Variants in PPFIBP2 observed in about 807,000 individuals in gnomAD.
PPFIBP2 encodes the protein PPFIB scaffold protein 2.
Under a neutral mutation model 118.3 loss-of-function variants are expected in PPFIBP2, and 118 were observed. That is an observed-to-expected ratio of 1.00 (90% CI 0.86 to 1.16). The LOEUF is 1.16. PPFIBP2 is among the 50% of genes most tolerant of loss of function. The probability of loss-of-function intolerance (pLI) is 0.00; values close to 1 mark genes in which losing one functional copy is unlikely to be tolerated. For missense variants in PPFIBP2, 1,195 were observed against 1,073.1 expected (o/e 1.11, Z -1.59); for synonymous variants, 414 against 397.4 (o/e 1.04, Z -0.50).
intron 1 of PPFIBP2, among the ~76,000 whole-genome samples, chr11:7,536,943 G>A (rs1851281840): frequency 6.6e-6 from 1 of 152,168 alleles, no homozygotes; most frequent in African/African-American, 2.4e-5. Context: ...GGAAGGGAGG[G>A]AATAGGTGGG....
intron 3 of PPFIBP2, among the ~76,000 whole-genome samples, chr11:7,592,749 G>A (rs1471928890): frequency 2.0e-5 from 3 of 152,202 alleles, no homozygotes; most frequent in Non-Finnish European, 4.4e-5. Context: ...CTTGGAGAAC[G>A]GTGCCAGCTC....
At chr11:7,646,090 G>A (rs1396781767) in intron 17 of PPFIBP2, among the ~76,000 whole-genome samples, 2 of 152,214 alleles carry the variant, frequency 1.3e-5, no homozygotes, top group African/African-American at 4.8e-5. Flanking sequence ...CAAAAGGAGT[G>A]AGTAGCCCTC....
At chr11:7,578,963 G>T (rs538049265) in intron 3 of PPFIBP2, among the ~76,000 whole-genome samples, 23 of 152,196 alleles carry the variant, frequency 1.5e-4, no homozygotes, top group Non-Finnish European at 2.9e-4. Flanking sequence ...ACGCAGGACA[G>T]TGAAGGCCAC....
At chr11:7,556,844 G>A (rs903098281) in intron 2 of PPFIBP2, among the ~76,000 whole-genome samples, 2 of 152,198 alleles carry the variant, frequency 1.3e-5, no homozygotes, top group Admixed American at 6.5e-5. Flanking sequence ...ATCTGTATCT[G>A]TCTTCTGTCT....
chr11:7,600,479 A>G (rs754074175), intron 5 of PPFIBP2, among the ~76,000 whole-genome samples: 1 of 152,258 alleles, frequency 6.6e-6, no homozygotes, highest in African/African-American at 2.4e-5. Context: ...TGACTGAGAT[A>G]TCCTGGGCTG....
In PPFIBP2 at chr11:7,628,304, G is replaced by C. The variant is rs1224379587; in HGVS notation, c.846G>C (p.Leu282=). The change falls in exon 9 of 24, where the codon CTG becomes CTC. Residue 282 remains leucine (L), a synonymous_variant. Transcript: ENST00000299492. The part of the protein sequence containing the change: ...HTERDQEIQR[L]KMGMETLLLA... Reference sequence around the variant, plus strand: ...TTTTAGACCAAGAAATTCAACGTCTGAAAATGGGGATGGAAACTTTGCTGC... The same window carrying C: ...TTTTAGACCAAGAAATTCAACGTCTCAAAATGGGGATGGAAACTTTGCTGC... The C allele has an allele frequency of 8.7e-6, 14 of 1,613,778 alleles. No individual in the cohort carries two copies. Among genetic ancestry groups the C allele is most frequent in the Admixed American group, 1.7e-5 (1 of 59,974 alleles).
chr11:7,586,198 C>T (rs980669132), intron 3 of PPFIBP2, among the ~76,000 whole-genome samples: 3 of 151,946 alleles, frequency 2.0e-5, no homozygotes, highest in African/African-American at 7.3e-5. Context: ...GTTATTGTTC[C>T]CTTGGGTTGT....
At chr11:7,641,044 A>T (rs1421979192) in intron 15 of PPFIBP2, 1 of 1,283,648 alleles carries the variant, frequency 7.8e-7, no homozygotes, top group Non-Finnish European at 1.0e-6. Flanking sequence ...TCGTGGCCGG[A>T]GTGTCAGTGC....
chr11:7,622,278 G>A (rs990275340), intron 7 of PPFIBP2, among the ~76,000 whole-genome samples: 1 of 152,288 alleles, frequency 6.6e-6, no homozygotes, highest in Middle Eastern at 3.4e-3. Flanking sequence ...TCACAGTTGC[G>A]AGGACAGCAC....
chr11:7,640,117 G>A (rs554682099), intron 15 of PPFIBP2, among the ~76,000 whole-genome samples: 10 of 151,918 alleles, frequency 6.6e-5, no homozygotes, highest in African/African-American at 2.4e-4. Flanking sequence ...CTTCTTTTCG[G>A]CTGCAGCTTT....
At chr11:7,575,600 GTCCCA>G (rs1363261416) in intron 3 of PPFIBP2, among the ~76,000 whole-genome samples, 2 of 152,200 alleles carry the variant, frequency 1.3e-5, no homozygotes, top group African/African-American at 4.8e-5. Flanking sequence ...CTTCCTTGGA[GTCCCA>G]GATATACCTT....
At chr11:7,666,396 A>T in the PPFIBP2 span, 30 of 1,136,746 alleles carry the variant, frequency 2.6e-5, no homozygotes, top group Non-Finnish European at 3.6e-5. Flanking sequence ...CCAGTCCTCA[A>T]AGTGGTCAAG....
chr11:7,620,307 C>G (rs1849191616), intron 6 of PPFIBP2, among the ~76,000 whole-genome samples: 1 of 152,178 alleles, frequency 6.6e-6, no homozygotes, highest in African/African-American at 2.4e-5. Context: ...ACCCTCAGCT[C>G]TAGCCGCATG....
At chr11:7,547,793 G>A (rs891870179) in intron 1 of PPFIBP2, among the ~76,000 whole-genome samples, 11 of 152,026 alleles carry the variant, frequency 7.2e-5, no homozygotes, top group African/African-American at 2.7e-4. Flanking sequence ...CTTGACCCCC[G>A]AGGCTGAATG....
At chr11:7,637,899 C>T (rs947097059) in intron 14 of PPFIBP2, among the ~76,000 whole-genome samples, 3 of 152,190 alleles carry the variant, frequency 2.0e-5, no homozygotes, top group Non-Finnish European at 4.4e-5. Flanking sequence ...CTCAGCTCCT[C>T]AGGGAGCTCC....
chr11:7,570,608 C>T (rs1301761066), intron 3 of PPFIBP2, among the ~76,000 whole-genome samples: 1 of 152,178 alleles, frequency 6.6e-6, no homozygotes, highest in Non-Finnish European at 1.5e-5. Flanking sequence ...TGTATGTACT[C>T]TAGGCCCTGT....
chr11:7,575,161 C>G (rs1052929162), intron 3 of PPFIBP2, among the ~76,000 whole-genome samples: 6 of 152,154 alleles, frequency 3.9e-5, no homozygotes, highest in African/African-American at 1.4e-4. Flanking sequence ...CTTTACCAGT[C>G]TTATCATTTG....
intron 15 of PPFIBP2, among the ~76,000 whole-genome samples, chr11:7,640,385 G>A (rs940332904): frequency 5.9e-5 from 9 of 152,230 alleles, no homozygotes; most frequent in African/African-American, 1.4e-4. Flanking sequence ...GGGCAAGGGT[G>A]TCGGTCTGCA....
intron 1 of PPFIBP2, among the ~76,000 whole-genome samples, chr11:7,545,044 T>C (rs1212809140): frequency 6.6e-6 from 1 of 152,162 alleles, no homozygotes; most frequent in Non-Finnish European, 1.5e-5. Context: ...CTCTGAGACC[T>C]GTGATACTAT....
Sources: allele counts gnomAD v4.1 joint callset (sites outside exome capture counted in the v4.1 genomes callset), GRCh38; gene constraint gnomAD v4.1.1; transcripts MANE v1.5; gene names NCBI Gene and HGNC (gene_info 2026-07-23, HGNC 2026-07-21).